Variants in CEP162 observed in about 807,000 individuals in gnomAD.
The protein encoded by CEP162 is centrosomal protein 162, also known as centrosomal protein of 162 kDa.
In CEP162, 141 loss-of-function variants were observed where a neutral mutation model predicts 169.2. That is an observed-to-expected ratio of 0.83 (90% CI 0.73 to 0.96). The LOEUF (loss-of-function observed/expected upper bound fraction) is 0.96, where lower values mean the gene tolerates loss of function less well. CEP162 is among the 40% of genes least tolerant of loss of function. The probability of loss-of-function intolerance (pLI) is 0.00; values close to 1 mark genes in which losing one functional copy is unlikely to be tolerated. For synonymous variants in CEP162, 540 were observed against 526.4 expected (o/e 1.03, Z -0.35); for missense variants, 1,600 against 1,587.2 (o/e 1.01, Z -0.14).
intron 11 of CEP162, among the ~76,000 whole-genome samples, chr6:84,191,831 T>C (rs1350722033): frequency 6.6e-6 from 1 of 152,158 alleles, no homozygotes; most frequent in Non-Finnish European, 1.5e-5. Context: ...CCAAACTCAT[T>C]TTTCTTTCTT....
intron 18 of CEP162, among the ~76,000 whole-genome samples, chr6:84,168,232 T>C (rs952294406): frequency 6.6e-6 from 1 of 152,150 alleles, no homozygotes; most frequent in East Asian, 1.9e-4. Flanking sequence ...ATTTCTGCTT[T>C]AGCTTGCTAT....
At chr6:84,131,136 T>C (rs1354108440) in intron 25 of CEP162, among the ~76,000 whole-genome samples, 1 of 152,162 alleles carries the variant, frequency 6.6e-6, no homozygotes, top group Non-Finnish European at 1.5e-5. Flanking sequence ...TCAGGAGCAG[T>C]GGTTCAGTTT....
intron 6 of CEP162, among the ~76,000 whole-genome samples, chr6:84,206,580 T>C (rs2099547209): frequency 6.6e-6 from 1 of 152,190 alleles, no homozygotes; most frequent in Non-Finnish European, 1.5e-5. Flanking sequence ...CAAGATGGAT[T>C]AAAGACTTAA....
intron 18 of CEP162, among the ~76,000 whole-genome samples, chr6:84,165,440 C>T (rs979588702): frequency 5.3e-5 from 8 of 152,060 alleles, no homozygotes; most frequent in African/African-American, 1.9e-4. Context: ...TCAAAGCTCA[C>T]TTCAAGTTAA....
At position 84,217,943 on chromosome 6, in the gene CEP162, G is replaced by C. The variant is rs191317468; in HGVS notation, c.173-2021C>G. The C allele has an allele frequency of 4.6e-5, 7 of 152,246 alleles. No homozygotes were observed. The East Asian group carries it at 1.4e-3, about 29-fold the overall frequency. The allele number at this position is 152,246 out of a possible 1,614,324, so 9.4% of individuals were successfully genotyped here. ...GGAAGAACGGTCTAGAAACAGCAAT[G>C]AACAATAACCTACTCCTTTTCCAAG... is the stretch of plus-strand genomic sequence containing the variant. On this transcript the variant is annotated intron_variant, in intron 3 of 26. Coordinates refer to ENST00000403245, the MANE Select transcript of CEP162 (RefSeq NM_014895.4).
At chr6:84,181,162 C>T (rs2099534657) in intron 13 of CEP162, among the ~76,000 whole-genome samples, 1 of 151,964 alleles carries the variant, frequency 6.6e-6, no homozygotes, top group African/African-American at 2.4e-5. Context: ...GAGATAGAGA[C>T]CAATGGAACA....
At chr6:84,221,658 T>C (rs1266301152) in intron 2 of CEP162, among the ~76,000 whole-genome samples, 1 of 152,108 alleles carries the variant, frequency 6.6e-6, no homozygotes, top group Non-Finnish European at 1.5e-5. Flanking sequence ...ATTTGCTTTT[T>C]TCTACTCTTC....
Position 84,215,480 on chromosome 6 carries a change from C to A in CEP162, c.320-15G>T. On this transcript the variant is annotated splice_polypyrimidine_tract_variant and intron_variant, in intron 4 of 26. Coordinates refer to ENST00000403245, the MANE Select transcript of CEP162 (RefSeq NM_014895.4). ...AACTACTAGTTCTAAATGGAAAGCA[C>A]AAATATATTTTAGTAATATACAGAA... 3 of 1,526,938 alleles carry A rather than the reference C, an allele frequency of 2.0e-6. No homozygotes were observed. Among genetic ancestry groups the A allele is most frequent in the East Asian group, 2.3e-5 (1 of 42,652 alleles). The allele number at this position is 1,526,938 out of a possible 1,614,324, so 94.6% of individuals were successfully genotyped here.
intron 1 of CEP162, among the ~76,000 whole-genome samples, chr6:84,226,771 T>C (rs371436901): frequency 2.0e-5 from 3 of 152,264 alleles, no homozygotes; most frequent in East Asian, 1.9e-4. Flanking sequence ...ACAAACCAGG[T>C]CCTCACAGGG....
At chr6:84,193,563 AC>A in intron 11 of CEP162, 45 bp downstream of exon 11, 1 of 1,141,698 alleles carries the variant, frequency 8.8e-7, no homozygotes, top group Non-Finnish European at 1.3e-6. Flanking sequence ...AGAACAAATG[AC>A]TATAAAAGTT....
At chr6:84,165,497 A>G (rs2099527466) in intron 18 of CEP162, among the ~76,000 whole-genome samples, 1 of 152,060 alleles carries the variant, frequency 6.6e-6, no homozygotes, top group Admixed American at 6.6e-5. Context: ...CACAAACTTC[A>G]GTTATACCTC....
At chr6:84,126,655 C>T in intron 25 of CEP162, 143 bp from the exon 26 acceptor site, 1 of 548,106 alleles carries the variant, frequency 1.8e-6, no homozygotes, top group South Asian at 3.4e-5. Flanking sequence ...AGCTTTCATT[C>T]TCTATATCCA....
chr6:84,161,580 C>G (rs1481311231), intron 20 of CEP162, among the ~76,000 whole-genome samples, 166 bp downstream of exon 20: 1 of 152,170 alleles, frequency 6.6e-6, no homozygotes, highest in Non-Finnish European at 1.5e-5. Flanking sequence ...TATTTATTCT[C>G]AGTCTAATTT....
In CEP162 at chr6:84,193,655, T is replaced by C; in HGVS notation, c.1063A>G (p.Arg355Gly). 1 of 1,569,108 alleles carries C rather than the reference T, an allele frequency of 6.4e-7. No homozygotes were observed. The highest frequency in any genetic ancestry group is 8.7e-7 in the Non-Finnish European group (1 of 1,155,674). The change falls in exon 11 of 27, where the codon AGA becomes GGA. Residue 355 changes from arginine (R) to glycine (G), a missense_variant. Transcript: ENST00000403245. ...PTVEELMKPI[R>G]IDSFGISGFD... ...CCACTGATCCCAAAGGAATCTATTC[T>C]GATAGGTTTCATCAGCTCCTCTACT...
chr6:84,139,666 T>C (rs1324955203), intron 25 of CEP162, among the ~76,000 whole-genome samples: 3 of 152,204 alleles, frequency 2.0e-5, no homozygotes, highest in Admixed American at 1.3e-4. Flanking sequence ...TATCTGTCTA[T>C]AGCAGTCAGT....
intron 25 of CEP162, among the ~76,000 whole-genome samples, chr6:84,138,163 G>A (rs1035625569): frequency 1.3e-5 from 2 of 152,170 alleles, no homozygotes; most frequent in South Asian, 4.1e-4. Context: ...CATCTGTGGC[G>A]ATGTATAGTG....
intron 11 of CEP162, among the ~76,000 whole-genome samples, chr6:84,190,832 C>T (rs1292679157): frequency 3.3e-5 from 5 of 152,184 alleles, no homozygotes; most frequent in Non-Finnish European, 5.9e-5. Context: ...TACAGGCATG[C>T]GCCACACGCC....
At chr6:84,191,070 G>A (rs1290127869) in intron 11 of CEP162, among the ~76,000 whole-genome samples, 5 of 151,968 alleles carry the variant, frequency 3.3e-5, no homozygotes, top group Admixed American at 1.3e-4. Flanking sequence ...TTCATTATTG[G>A]CACATGGAAT....
chr6:84,198,351 C>A (rs549364291), intron 9 of CEP162, among the ~76,000 whole-genome samples: 164 of 152,158 alleles, frequency 1.1e-3, no homozygotes, highest in African/African-American at 3.9e-3. Flanking sequence ...GAACTTGGCT[C>A]ACTGCAACCT....
Sources: allele counts gnomAD v4.1 joint callset (sites outside exome capture counted in the v4.1 genomes callset), GRCh38; gene constraint gnomAD v4.1.1; transcripts MANE v1.5; gene names NCBI Gene and HGNC (gene_info 2026-07-23, HGNC 2026-07-21).